Variants in RBFOX1 observed in about 807,000 individuals in gnomAD.
RBFOX1 encodes RNA binding fox-1 homolog 1, also known as RNA binding protein fox-1 homolog 1.
Under a neutral mutation model 57.7 loss-of-function variants are expected in RBFOX1, and 8 were observed. The observed-to-expected ratio is 0.14, with a 90% confidence interval of 0.08 to 0.25. RBFOX1 has a LOEUF of 0.25. Ranked by LOEUF, RBFOX1 falls within the 10% of genes least tolerant of loss-of-function variation. The pLI, the probability that RBFOX1 is intolerant of heterozygous loss-of-function variation, is 1.00. For missense variants in RBFOX1, 611 were observed against 548.5 expected (o/e 1.11, Z -1.14); for synonymous variants, 326 against 222.4 (o/e 1.47, Z -4.15).
At chr16:6,307,987 G>T (rs557891714) in intron 1 of RBFOX1, among the ~76,000 whole-genome samples, 1 of 147,794 alleles carries the variant, frequency 6.8e-6, no homozygotes, top group Non-Finnish European at 1.5e-5. Context: ...TTATATATTC[G>T]CTTAGGTTGT....
At chr16:7,696,555 G>T (rs185473386) in intron 14 of RBFOX1, among the ~76,000 whole-genome samples, 1 of 146,384 alleles carries the variant, frequency 6.8e-6, no homozygotes, top group African/African-American at 2.8e-5. Context: ...CATTTTAGTC[G>T]ATTAATATCT....
chr16:7,190,313 C>G (rs2085054992), intron 4 of RBFOX1, among the ~76,000 whole-genome samples: 1 of 152,126 alleles, frequency 6.6e-6, no homozygotes, highest in African/African-American at 2.4e-5. Flanking sequence ...GAGCTGAGAT[C>G]ACACCACCGT....
rs185372890 is a variant in RBFOX1 at position 6,628,898 on chromosome 16, C to T, written c.-63-25705C>T. Among the ~76,000 whole-genome samples, 801 of 152,138 alleles carry T rather than the reference C, an allele frequency of 5.3e-3. 4 individuals carry two copies. Among genetic ancestry groups the T allele is most frequent in the Non-Finnish European group, 9.0e-3 (610 of 67,996 alleles). ...ACAAAAAATTAGCCAGGTGTGGTGG[C>T]ATGCGTCTGTAGTCCCAGCTACTAG... On this transcript the variant is annotated intron_variant, in intron 2 of 15. Transcript: ENST00000550418.
intron 1 of RBFOX1, among the ~76,000 whole-genome samples, chr16:6,194,521 G>C (rs1480652924): frequency 6.6e-6 from 1 of 152,122 alleles, no homozygotes; most frequent in Non-Finnish European, 1.5e-5. Flanking sequence ...TAATGAGCCT[G>C]TACTCATTTC....
chr16:5,473,003 A>G (rs551351925), intron 2 of RBFOX1, among the ~76,000 whole-genome samples: 3 of 152,078 alleles, frequency 2.0e-5, no homozygotes, highest in Non-Finnish European at 4.4e-5. Flanking sequence ...GGCTCCAGTC[A>G]CCTTTCTGAC....
chr16:7,278,404 G>T lies in RBFOX1; in HGVS notation c.27+226306G>T, dbSNP rs116793913. 5.4e-3 allele frequency among the ~76,000 whole-genome samples: 827 copies of T among 152,284 alleles called. 11 individuals carry two copies. Among genetic ancestry groups the T allele is most frequent in the African/African-American group, 0.019 (791 of 41,564 alleles). On this transcript the variant is annotated intron_variant, in intron 4 of 15. Transcript: ENST00000550418. Reference sequence around the variant, plus strand: ...AAAGATTCCTATGTATATCTGACATGTGCAAGCCAGAGGGTGTTGGACATT... The same window carrying T: ...AAAGATTCCTATGTATATCTGACATTTGCAAGCCAGAGGGTGTTGGACATT...
chr16:6,792,198 TAACAA>T (rs2083104430), intron 3 of RBFOX1, among the ~76,000 whole-genome samples: 2 of 152,170 alleles, frequency 1.3e-5, no homozygotes, highest in East Asian at 1.9e-4. Flanking sequence ...AGGTGAGTAA[TAACAA>T]AACAAGGTCA....
chr16:7,006,937 G>T (rs2093339822), intron 3 of RBFOX1, among the ~76,000 whole-genome samples: 2 of 152,094 alleles, frequency 1.3e-5, no homozygotes, highest in Non-Finnish European at 2.9e-5. Flanking sequence ...TCTCTTCCAT[G>T]TTTTCGTAGT....
intron 2 of RBFOX1, among the ~76,000 whole-genome samples, chr16:6,487,511 G>C (rs776957090): frequency 3.3e-5 from 5 of 151,006 alleles, no homozygotes; most frequent in African/African-American, 1.2e-4. Flanking sequence ...TTTTGGTTGG[G>C]TTTAAAAGAA....
At chr16:6,236,516 C>A (rs932519647) in intron 1 of RBFOX1, among the ~76,000 whole-genome samples, 3 of 151,876 alleles carry the variant, frequency 2.0e-5, no homozygotes, top group Non-Finnish European at 4.4e-5. Context: ...CTCACTGCAA[C>A]CTCTGTCTCC....
Position 7,600,656 on chromosome 16 carries a change from C to A in RBFOX1, c.622+3225C>A, listed in dbSNP as rs2094962293. ...TACTGGAGCTATCAAAGTTTCAGGT[C>A]ATCTCCAGGTGATGAAATATAGTTA... On this transcript the variant is annotated intron_variant, in intron 9 of 15. Coordinates refer to ENST00000550418, the MANE Select transcript of RBFOX1 (RefSeq NM_018723.4). Among the ~76,000 whole-genome samples, 14 of 152,300 alleles carry A rather than the reference C, an allele frequency of 9.2e-5. 1 individual carries two copies. In the South Asian group the frequency reaches 2.9e-3, roughly 32 times the overall value.
intron 3 of RBFOX1, among the ~76,000 whole-genome samples, chr16:6,977,023 GTATCATATA>G (rs200093418): frequency 0.015 from 2,126 of 140,856 alleles, 22 homozygotes; most frequent in Middle Eastern, 0.042. Flanking sequence ...TATGTATCAT[GTATCATATA>G]TATCATATAT....
intron 3 of RBFOX1, among the ~76,000 whole-genome samples, chr16:7,000,348 T>C (rs1255614759): frequency 2.0e-5 from 3 of 152,064 alleles, no homozygotes; most frequent in Non-Finnish European, 4.4e-5. Context: ...TCGATACATC[T>C]CTCAAGTTTC....
At chr16:6,398,516 A>G (rs1478871178) in intron 2 of RBFOX1, among the ~76,000 whole-genome samples, 4 of 152,130 alleles carry the variant, frequency 2.6e-5, no homozygotes, top group Non-Finnish European at 5.9e-5. Flanking sequence ...GCATCGGATA[A>G]ATACACTCAT....
chr16:6,818,875 A>C (rs1358849977), intron 3 of RBFOX1, among the ~76,000 whole-genome samples: 2 of 152,188 alleles, frequency 1.3e-5, no homozygotes, highest in African/African-American at 2.4e-5. Flanking sequence ...TCAGGAATTT[A>C]CATGGAATTC....
chr16:6,931,340 T>TATCTATCTATCCCTATCTACAC (rs1555640312), intron 3 of RBFOX1, among the ~76,000 whole-genome samples: 1 of 106,938 alleles, frequency 9.4e-6, no homozygotes, highest in African/African-American at 3.3e-5. Flanking sequence ...TATCTATCTC[T>TATCTATCTATCCCTATCTACAC]ACACACACAC....
chr16:6,060,544 G>A (rs542415774), intron 1 of RBFOX1, among the ~76,000 whole-genome samples: 17 of 152,186 alleles, frequency 1.1e-4, no homozygotes, highest in Admixed American at 8.5e-4. Flanking sequence ...CGACCTCTAC[G>A]TCAGCAGTTC....
At chr16:6,501,897 T>A (rs937901545) in intron 2 of RBFOX1, among the ~76,000 whole-genome samples, 1 of 152,222 alleles carries the variant, frequency 6.6e-6, no homozygotes, top group Non-Finnish European at 1.5e-5. Flanking sequence ...CATAGATTCA[T>A]GAAATCCTCA....
intron 3 of RBFOX1, among the ~76,000 whole-genome samples, chr16:6,971,464 G>C (rs532215752): frequency 1.3e-5 from 2 of 151,912 alleles, no homozygotes; most frequent in Non-Finnish European, 2.9e-5. Flanking sequence ...CCGCAGTGCA[G>C]AGCTTTTCAG....
Sources: allele counts gnomAD v4.1 joint callset (sites outside exome capture counted in the v4.1 genomes callset), GRCh38; gene constraint gnomAD v4.1.1; transcripts MANE v1.5; gene names NCBI Gene and HGNC (gene_info 2026-07-23, HGNC 2026-07-21).